The following ANTXR1 variants were observed in gnomAD, a reference collection of about 807,000 sequenced individuals.
ANTXR1 encodes anthrax toxin receptor 1.
Under a neutral mutation model 78.1 loss-of-function variants are expected in ANTXR1, and 19 were observed. That is an observed-to-expected ratio of 0.24 (90% CI 0.17 to 0.36). ANTXR1 has a LOEUF of 0.36. Ranked by LOEUF, ANTXR1 falls within the 10% of genes least tolerant of loss-of-function variation. The probability of loss-of-function intolerance (pLI) is 1.00; values close to 1 mark genes in which losing one functional copy is unlikely to be tolerated. For synonymous variants in ANTXR1, 273 were observed against 260.5 expected, an observed-to-expected ratio of 1.05 and a Z score of -0.46; for missense variants, 518 against 718.6, an observed-to-expected ratio of 0.72 and a Z score of 3.19.
At chr2:69,214,459 C>T (rs1285408338) in intron 17 of ANTXR1, among the ~76,000 whole-genome samples, 1 of 152,166 alleles carries the variant, frequency 6.6e-6, no homozygotes, top group Non-Finnish European at 1.5e-5. Flanking sequence ...AGCAGGTCCA[C>T]CCTCAAAAAC....
At chr2:69,208,877 A>G (rs1674970299) in intron 17 of ANTXR1, among the ~76,000 whole-genome samples, 1 of 152,208 alleles carries the variant, frequency 6.6e-6, no homozygotes, top group Non-Finnish European at 1.5e-5. Flanking sequence ...GAAGTCCTGC[A>G]TGCTCTAAGC....
At chr2:69,015,495 GATTC>G (rs1670998315) in intron 1 of ANTXR1, among the ~76,000 whole-genome samples, 1 of 149,538 alleles carries the variant, frequency 6.7e-6, no homozygotes, top group Non-Finnish European at 1.5e-5. Flanking sequence ...AGTATATAAT[GATTC>G]ATTAATTTAA....
At chr2:69,153,734 A>G (rs1673458118) in intron 13 of ANTXR1, among the ~76,000 whole-genome samples, 1 of 152,364 alleles carries the variant, frequency 6.6e-6, no homozygotes, top group Admixed American at 6.5e-5. Context: ...GGGTTCTTAA[A>G]GAAGAGTCGG....
At chr2:69,199,963 T>C (rs1216375322) in intron 17 of ANTXR1, among the ~76,000 whole-genome samples, 2 of 152,158 alleles carry the variant, frequency 1.3e-5, no homozygotes, top group African/African-American at 4.8e-5. Flanking sequence ...GAGGCTGCCA[T>C]GTCATTGCTA....
chr2:69,202,130 T>A (rs1674787467), intron 17 of ANTXR1, among the ~76,000 whole-genome samples: 1 of 151,248 alleles, frequency 6.6e-6, no homozygotes, highest in Non-Finnish European at 1.5e-5. Context: ...GGGAGAGGGG[T>A]AGAGAGAAGA....
intron 17 of ANTXR1, among the ~76,000 whole-genome samples, chr2:69,214,099 G>T (rs1675120084): frequency 6.6e-6 from 1 of 152,274 alleles, no homozygotes; most frequent in Admixed American, 6.5e-5. Flanking sequence ...GAGAAAAACA[G>T]CTGAATGTGG....
intron 16 of ANTXR1, among the ~76,000 whole-genome samples, chr2:69,188,158 A>T (rs1674468251): frequency 6.6e-6 from 1 of 151,712 alleles, no homozygotes; most frequent in Non-Finnish European, 1.5e-5. Flanking sequence ...CCCAGGCTGT[A>T]GTGCAGTGGT....
intron 17 of ANTXR1, 134 bp from the exon 18 acceptor site, chr2:69,245,091 C>T (rs1675982847): frequency 1.0e-6 from 1 of 984,622 alleles, no homozygotes. Flanking sequence ...TCAAGTTCTA[C>T]TATGTGCCAC....
intron 12 of ANTXR1, among the ~76,000 whole-genome samples, chr2:69,129,457 A>G (rs1298473516): frequency 6.6e-6 from 1 of 152,122 alleles, no homozygotes; most frequent in Non-Finnish European, 1.5e-5. Flanking sequence ...CAAGCATATA[A>G]AAGAGTGTAT....
At chr2:69,160,112 A>C in intron 13 of ANTXR1, among the ~76,000 whole-genome samples, 1 of 151,964 alleles carries the variant, frequency 6.6e-6, no homozygotes, top group Non-Finnish European at 1.5e-5. Context: ...TCCAGCCTCC[A>C]CCCATTCCCA....
chr2:69,075,755 T>C, intron 7 of ANTXR1, 97 bp downstream of exon 7: 1 of 1,119,908 alleles, frequency 8.9e-7, no homozygotes, highest in South Asian at 1.2e-5. Flanking sequence ...ATGGAATAAA[T>C]GCCCCTGAAA....
intron 1 of ANTXR1, among the ~76,000 whole-genome samples, chr2:69,031,689 C>T (rs1481869411): frequency 2.6e-5 from 4 of 152,162 alleles, no homozygotes; most frequent in Admixed American, 2.0e-4. Context: ...CCAAATGACA[C>T]AAGAGGAAAT....
intron 16 of ANTXR1, among the ~76,000 whole-genome samples, chr2:69,187,775 C>T (rs1293236275): frequency 6.6e-6 from 1 of 150,502 alleles, no homozygotes; most frequent in Non-Finnish European, 1.5e-5. Flanking sequence ...TTTTTTGGTA[C>T]AGACTGGGTT....
intron 17 of ANTXR1, among the ~76,000 whole-genome samples, chr2:69,242,047 C>T (rs1675907911): frequency 6.6e-6 from 1 of 152,052 alleles, no homozygotes; most frequent in Non-Finnish European, 1.5e-5. Context: ...CTCTAAAGGA[C>T]CAGGTGGTGG....
chr2:69,237,797 T>A (rs1438959517), intron 17 of ANTXR1, among the ~76,000 whole-genome samples: 1 of 152,244 alleles, frequency 6.6e-6, no homozygotes, highest in Non-Finnish European at 1.5e-5. Flanking sequence ...TATACATACC[T>A]CTATCTATAC....
At position 69,090,806 on chromosome 2, in the gene ANTXR1, G is replaced by T. The variant is rs563062827; in HGVS notation, c.643-53G>T. 31 of 1,586,724 alleles carry T rather than the reference G, an allele frequency of 2.0e-5. No individual in the cohort carries two copies. The South Asian group carries it at 2.2e-4, about 11-fold the overall frequency. On this transcript the variant is annotated intron_variant, in intron 8 of 17. Coordinates refer to ENST00000303714, the MANE Select transcript of ANTXR1 (RefSeq NM_032208.3). ...TAGCTAAAAGCAGAACCCTGATTCTGTCTTTGAACAAAATAAGCTGTGCAT... is the reference window on the plus strand; with the variant it reads ...TAGCTAAAAGCAGAACCCTGATTCTTTCTTTGAACAAAATAAGCTGTGCAT...
chr2:69,161,913 A>G (rs1264364986), intron 13 of ANTXR1, among the ~76,000 whole-genome samples: 1 of 152,212 alleles, frequency 6.6e-6, no homozygotes, highest in Non-Finnish European at 1.5e-5. Flanking sequence ...GAAGTCCCCC[A>G]GGACATACAG....
At chr2:69,074,118 G>A (rs1412166372) in intron 6 of ANTXR1, among the ~76,000 whole-genome samples, 1 of 152,200 alleles carries the variant, frequency 6.6e-6, no homozygotes, top group Non-Finnish European at 1.5e-5. Context: ...GAGTCACCAT[G>A]AAATAATGGT....
In ANTXR1 at chr2:69,245,839, T is replaced by A; in HGVS notation, c.*354T>A. 1 of 227,938 alleles carries A rather than the reference T, an allele frequency of 4.4e-6. No homozygotes were observed. Among genetic ancestry groups the A allele is most frequent in the Non-Finnish European group, 8.7e-6 (1 of 115,322 alleles). The allele number at this position is 227,938 out of a possible 1,614,324, so 14.1% of individuals were successfully genotyped here. A position where few individuals can be genotyped will look rare whatever the true frequency, so the allele number is the denominator to read the frequency against. ...GTGAAATGCAGAGTTGGATAAGAAA[T>A]ACATTGCTGGGTTTCTAAAATGCTG... On this transcript the variant is annotated 3_prime_UTR_variant, in exon 18 of 18. Coordinates refer to ENST00000303714, the MANE Select transcript of ANTXR1 (RefSeq NM_032208.3).
Sources: gnomAD v4.1 joint callset for allele counts (sites outside exome capture counted in the v4.1 genomes callset) on GRCh38, gnomAD v4.1.1 for gene constraint, MANE v1.5 for transcripts, NCBI Gene and HGNC (gene_info 2026-07-23, HGNC 2026-07-21) for gene names.